Variants in GPC5 observed in about 807,000 individuals in gnomAD.
GPC5 encodes glypican 5.
GPC5 carries 47 observed loss-of-function variants against 53.9 expected under a neutral mutation model. That is an observed-to-expected ratio of 0.87 (90% CI 0.69 to 1.11). The LOEUF (loss-of-function observed/expected upper bound fraction) is 1.11. Among genes scored for constraint, GPC5 ranks in the 50% most tolerant of loss-of-function variants. GPC5 has a pLI of 0.00. For synonymous variants in GPC5, 286 were observed against 263.3 expected, an observed-to-expected ratio of 1.09 and a Z score of -0.84; for missense variants, 748 against 713.1, an observed-to-expected ratio of 1.05 and a Z score of -0.56.
intron 6 of GPC5, among the ~76,000 whole-genome samples, chr13:92,026,543 C>T (rs2040802546): frequency 6.6e-6 from 1 of 150,936 alleles, no homozygotes; most frequent in South Asian, 2.1e-4. Flanking sequence ...TGAGTGACTA[C>T]AGAGCCATGC....
At chr13:91,969,198 A>T (rs1341082417) in intron 6 of GPC5, among the ~76,000 whole-genome samples, 1 of 151,720 alleles carries the variant, frequency 6.6e-6, no homozygotes, top group East Asian at 2.0e-4. Context: ...TGAACTCCTG[A>T]CCTCATGATC....
chr13:91,801,253 T>TGTGTGTG (rs144524846), intron 5 of GPC5, among the ~76,000 whole-genome samples: 1 of 146,298 alleles, frequency 6.8e-6, no homozygotes, highest in South Asian at 2.3e-4. Context: ...CATCCATACT[T>TGTGTGTG]TGTGTGTGTG....
intron 6 of GPC5, among the ~76,000 whole-genome samples, chr13:91,968,663 T>C (rs2040212563): frequency 2.0e-5 from 3 of 152,060 alleles, no homozygotes; most frequent in South Asian, 2.1e-4. Flanking sequence ...GGTTTCACCA[T>C]GTTAGCCAGG....
intron 7 of GPC5, among the ~76,000 whole-genome samples, chr13:92,586,222 T>G (rs917532656): frequency 2.0e-5 from 3 of 152,172 alleles, no homozygotes; most frequent in Non-Finnish European, 4.4e-5. Context: ...TTAGAGAAAC[T>G]GCAAGGAAAT....
At chr13:92,308,641 G>GT (rs2043126662) in intron 7 of GPC5, among the ~76,000 whole-genome samples, 1 of 152,020 alleles carries the variant, frequency 6.6e-6, no homozygotes, top group African/African-American at 2.4e-5. Flanking sequence ...GCTCAATAAG[G>GT]TTTTTTGACA....
At chr13:92,289,033 A>G (rs2042975799) in intron 7 of GPC5, among the ~76,000 whole-genome samples, 1 of 151,848 alleles carries the variant, frequency 6.6e-6, no homozygotes, top group South Asian at 2.1e-4. Context: ...AGTGATCTCC[A>G]TGTTTTCTTG....
intron 5 of GPC5, among the ~76,000 whole-genome samples, chr13:91,853,249 G>T (rs1407676349): frequency 6.6e-6 from 1 of 151,844 alleles, no homozygotes; most frequent in Non-Finnish European, 1.5e-5. Context: ...TTTTTTGGGG[G>T]GTTTCTCTTT....
intron 4 of GPC5, among the ~76,000 whole-genome samples, chr13:91,752,520 A>G (rs1199862946): frequency 6.6e-6 from 1 of 152,244 alleles, no homozygotes; most frequent in African/African-American, 2.4e-5. Flanking sequence ...GGACACTTTC[A>G]GTATTTTATT....
intron 7 of GPC5, among the ~76,000 whole-genome samples, chr13:92,378,344 A>T (rs2043711320): frequency 6.6e-6 from 1 of 152,224 alleles, no homozygotes; most frequent in Non-Finnish European, 1.5e-5. Context: ...TCCACTACAA[A>T]ATCCATGGGT....
rs140609724 is a variant in GPC5 at position 91,612,398 on chromosome 13, TAA to T, written c.326-80788_326-80787del. ...AAAGCACAGGCACCTTAGATTTTGA[TAA>T]GTTTTCCATCAGTTAAGCCTCTCCT... On this transcript the variant is annotated intron_variant, in intron 2 of 7. Coordinates refer to ENST00000377067, the MANE Select transcript of GPC5 (RefSeq NM_004466.6). 8.7e-4 allele frequency among the ~76,000 whole-genome samples: 133 copies of T among 152,344 alleles called. 1 individual carries two copies. Among genetic ancestry groups the T allele is most frequent in the African/African-American group, 2.9e-3 (122 of 41,584 alleles).
chr13:92,225,473 T>C (rs1252360142), intron 7 of GPC5, among the ~76,000 whole-genome samples: 1 of 152,170 alleles, frequency 6.6e-6, no homozygotes, highest in Non-Finnish European at 1.5e-5. Context: ...TCAGGAGCTA[T>C]ACAAAAACTT....
In GPC5 at chr13:92,654,067, T is replaced by A. The variant is rs186022443; in HGVS notation, c.1562-212215T>A. On this transcript the variant is annotated intron_variant, in intron 7 of 7. Transcript: ENST00000377067. ...ACAGAGTCAGTACTAAATAGATATT[T>A]GTTGAATGTTTCGGTCCATTCACAA... is the stretch of plus-strand genomic sequence containing the variant. 3.8e-3 allele frequency among the ~76,000 whole-genome samples: 584 copies of A among 152,350 alleles called. 1 individual carries two copies. Among genetic ancestry groups the A allele is most frequent in the Non-Finnish European group, 6.7e-3 (457 of 68,032 alleles).
chr13:92,195,715 C>T (rs1375475023), intron 7 of GPC5, among the ~76,000 whole-genome samples: 3 of 152,202 alleles, frequency 2.0e-5, no homozygotes, highest in Non-Finnish European at 2.9e-5. Context: ...TTTTGATGAA[C>T]AGTGACTGTA....
intron 7 of GPC5, among the ~76,000 whole-genome samples, chr13:92,669,010 G>T (rs1318314380): frequency 1.3e-5 from 2 of 151,934 alleles, no homozygotes; most frequent in African/African-American, 4.8e-5. Context: ...ATGTAAGTTT[G>T]TCTTCATTTT....
chr13:91,556,699 C>T (rs1044905704), intron 2 of GPC5, among the ~76,000 whole-genome samples: 1 of 151,914 alleles, frequency 6.6e-6, no homozygotes, highest in Non-Finnish European at 1.5e-5. Context: ...AGACATTATT[C>T]TAACTGAAGT....
intron 6 of GPC5, among the ~76,000 whole-genome samples, chr13:92,117,768 C>T (rs990090514): frequency 7.9e-5 from 12 of 151,988 alleles, no homozygotes; most frequent in Non-Finnish European, 1.5e-4. Context: ...CATTTCTAAA[C>T]GTTCTTTGGT....
chr13:92,292,632 T>A (rs1379648133), intron 7 of GPC5, among the ~76,000 whole-genome samples: 3 of 152,172 alleles, frequency 2.0e-5, no homozygotes, highest in African/African-American at 7.2e-5. Context: ...GTCTGTTTAC[T>A]CGGCTATTTC....
chr13:91,418,535 T>C (rs1054210897), intron 1 of GPC5, among the ~76,000 whole-genome samples: 5 of 152,066 alleles, frequency 3.3e-5, no homozygotes, highest in Non-Finnish European at 7.4e-5. Flanking sequence ...GCTTCTTGAG[T>C]GTGTTTGTTT....
intron 2 of GPC5, among the ~76,000 whole-genome samples, chr13:91,630,658 A>G (rs1216956052): frequency 6.6e-6 from 1 of 152,110 alleles, no homozygotes; most frequent in Non-Finnish European, 1.5e-5. Flanking sequence ...CCCAAATTAC[A>G]GAATGGAGAA....
Sources: allele counts gnomAD v4.1 joint callset (sites outside exome capture counted in the v4.1 genomes callset), GRCh38; gene constraint gnomAD v4.1.1; transcripts MANE v1.5; gene names NCBI Gene and HGNC (gene_info 2026-07-23, HGNC 2026-07-21).